Variants in ZNF28 observed in about 807,000 individuals in gnomAD.
ZNF28 encodes zinc finger protein KOX24.
A neutral mutation model predicts 7.2 loss-of-function variants in ZNF28; 5 were observed. The observed-to-expected ratio is 0.70, with a 90% confidence interval of 0.36 to 1.46. ZNF28 has a LOEUF of 1.46. Among genes scored for constraint, ZNF28 ranks in the 40% most tolerant of loss-of-function variants. ZNF28 has a pLI of 0.03. For missense variants in ZNF28, 879 were observed against 866.6 expected, an observed-to-expected ratio of 1.01 and a Z score of -0.18; for synonymous variants, 288 against 292.4, an observed-to-expected ratio of 0.99 and a Z score of 0.15.
At position 52,798,079 on chromosome 19, in the gene ZNF28, G is replaced by A. The variant is rs748866709; in HGVS notation, c.*1609C>T. 1 of 155,114 alleles carries A rather than the reference G, an allele frequency of 6.4e-6. No homozygotes were observed. Among genetic ancestry groups the A allele is most frequent in the Non-Finnish European group, 1.4e-5 (1 of 70,234 alleles). The allele number at this position is 155,114 out of a possible 1,614,324, so 9.6% of individuals were successfully genotyped here. On this transcript the variant is annotated 3_prime_UTR_variant, in exon 4 of 4. Transcript: ENST00000457749. ...GGAGGTTGTAGTGAGTCAAGATCAT[G>A]CCACTGCACTCCAACCTGGATGACA...
At chr19:52,817,854 C>T (rs1368924243) in intron 2 of ZNF28, 90 bp downstream of exon 2, 5 of 1,592,670 alleles carry the variant, frequency 3.1e-6, no homozygotes, top group African/African-American at 1.3e-5. Flanking sequence ...TCAGGCAGGA[C>T]ACTTCAGACT....
At chr19:52,818,744 G>A (rs983825387) in intron 1 of ZNF28, among the ~76,000 whole-genome samples, 4 of 151,194 alleles carry the variant, frequency 2.6e-5, no homozygotes, top group African/African-American at 4.9e-5. Flanking sequence ...TTAGCAGGGT[G>A]TGGTGGCACA....
At chr19:52,811,756 G>T (rs1245737714) in intron 2 of ZNF28, among the ~76,000 whole-genome samples, 12 of 148,904 alleles carry the variant, frequency 8.1e-5, no homozygotes, top group Non-Finnish European at 1.8e-4. Context: ...GTCCGGGAGG[G>T]AGGTCGGGGG....
In ZNF28 at chr19:52,810,335, C is replaced by T. The variant is rs76826166; in HGVS notation, c.16-2202G>A. On this transcript the variant is annotated intron_variant, in intron 2 of 3. Coordinates refer to ENST00000457749, the MANE Select transcript of ZNF28 (RefSeq NM_006969.5). ...CCATCAATGCTGGCAATGTGGACTG[C>T]GGTGCAACAGCAGAAGAGCTGGAAG... is the stretch of plus-strand genomic sequence containing the variant. 14,672 of 1,601,834 alleles carry T rather than the reference C, an allele frequency of 9.2e-3. 108 individuals are homozygous for T. Among genetic ancestry groups the T allele is most frequent in the Non-Finnish European group, 0.01 (11,920 of 1,171,234 alleles).
chr19:52,802,955 G>T (rs756543473), intron 3 of ZNF28, among the ~76,000 whole-genome samples: 6 of 151,790 alleles, frequency 4.0e-5, no homozygotes, highest in Non-Finnish European at 7.4e-5. Context: ...TAGAGACAGG[G>T]TTTCACTGTG....
intron 2 of ZNF28, among the ~76,000 whole-genome samples, chr19:52,813,249 G>GAAAAAAGAAA (rs2063076825): frequency 1.6e-5 from 1 of 62,984 alleles, no homozygotes; most frequent in Non-Finnish European, 2.8e-5. Flanking sequence ...CTTGAATGGT[G>GAAAAAAGAAA]AAAAAAAAAA....
Position 52,800,032 on chromosome 19 carries a change from T to G in ZNF28, c.1813A>C (p.Lys605Gln), listed in dbSNP as rs201374748. The change falls in exon 4 of 4, where the codon AAA (lysine) becomes CAA (glutamine). Residue 605 changes from lysine (K) to glutamine (Q), a missense_variant. This residue lies in a region of ZNF28 where 864 missense variants were observed against 830.2 expected (regional missense o/e 1.04). Coordinates refer to ENST00000457749, the MANE Select transcript of ZNF28 (RefSeq NM_006969.5). Reference protein sequence around the residue: ...AQHQRVHTGEKPYKCNECGKT... With the variant: ...AQHQRVHTGEQPYKCNECGKT... ...CCACACTCATTACACTTGTAAGGTT[T>G]CTCTCCAGTATGAACTCTCTGATGT... 6.4e-5 allele frequency: 104 copies of G among 1,613,726 alleles called. No individual in the cohort carries two copies. The highest frequency in any genetic ancestry group is 1.0e-5 in the Non-Finnish European group (12 of 1,179,682).
intron 2 of ZNF28, chr19:52,809,824 G>C (rs2147647620): frequency 1.9e-6 from 1 of 530,310 alleles, no homozygotes; most frequent in South Asian, 2.4e-5. Context: ...AGCGGCGAAG[G>C]CGGCGGCGGC....
At position 52,799,789 on chromosome 19, in the gene ZNF28, T is replaced by C; in HGVS notation, c.2056A>G (p.Thr686Ala). 6.2e-7 allele frequency: 1 copy of C among 1,614,186 alleles called. No homozygotes were observed. The highest frequency in any genetic ancestry group is 1.1e-5 in the South Asian group (1 of 91,078). The change falls in exon 4 of 4, where the codon ACT becomes GCT. Residue 686 changes from threonine to alanine, a missense_variant. By Grantham distance (58) the Thr-to-Ala change is moderately conservative (BLOSUM62 0). Coordinates refer to ENST00000457749, the MANE Select transcript of ZNF28 (RefSeq NM_006969.5). ...TTACACTTGTAAGGTTTCTCTCCAG[T>C]ATGAACTCTCTGATGCTGTGCAAGG... ...AHLAQHQRVH[T>A]GEKPYKCNEC...
chr19:52,801,790 C>T lies in ZNF28; in HGVS notation c.143-88G>A, dbSNP rs545018186. ...TGTAAATATGACACAAAAAACAATA[C>T]TTATTTTAAACTTCCCAAACATGAT... On this transcript the variant is annotated intron_variant, in intron 3 of 3. Transcript: ENST00000457749. 85 of 1,284,800 alleles carry T rather than the reference C, an allele frequency of 6.6e-5. No individual in the cohort carries two copies. The African/African-American group carries it at 9.4e-4, about 14-fold the overall frequency. 79.6% of individuals were successfully genotyped at this position (1,284,800 alleles called of 1,614,324 possible).
chr19:52,814,564 A>T (rs909889024), intron 2 of ZNF28: 2 of 145,782 alleles, frequency 1.4e-5, no homozygotes, highest in Non-Finnish European at 3.0e-5. Context: ...ACTGCATTCC[A>T]GCCTGGACAA....
intron 2 of ZNF28, among the ~76,000 whole-genome samples, chr19:52,808,341 A>T (rs149124919): frequency 7.9e-5 from 12 of 152,346 alleles, no homozygotes; most frequent in Admixed American, 1.3e-4. Context: ...GTTTGTGAAA[A>T]ATTCAAGAAA....
chr19:52,807,954 C>G (rs1161940401), intron 3 of ZNF28, 53 bp downstream of exon 3: 1 of 1,609,772 alleles, frequency 6.2e-7, no homozygotes. Flanking sequence ...CAAGAGGCAA[C>G]AAGAGAAAAT....
Position 52,800,771 on chromosome 19 carries a change from A to T in ZNF28, c.1074T>A (p.Asn358Lys), listed in dbSNP as rs2062856781. ...IHTGEKPYKC[N>K]ECGKVFNRLS... ...GTCGATTAAAAACCTTGCCACATTC[A>T]TTACACTTGTAAGGTTTCTCTCCAG... Residue 358 changes from asparagine (N) to lysine (K), a missense_variant, in exon 4 of 4, where the codon AAT becomes AAA. Physicochemically the swap from Asn to Lys is moderately conservative, Grantham distance 94. Coordinates refer to ENST00000457749, the MANE Select transcript of ZNF28 (RefSeq NM_006969.5). The T allele has an allele frequency of 3.7e-6, 6 of 1,614,028 alleles. No homozygotes were observed. Among genetic ancestry groups the T allele is most frequent in the Non-Finnish European group, 5.1e-6 (6 of 1,179,994 alleles).
At chr19:52,810,661 G>A (rs555424903) in intron 2 of ZNF28, 155 of 1,051,556 alleles carry the variant, frequency 1.5e-4, no homozygotes, top group Admixed American at 2.4e-4. Context: ...CTGGGGTCGC[G>A]TCTACAGGGG....
At chr19:52,820,471 C>G (rs941248403) in intron 1 of ZNF28, among the ~76,000 whole-genome samples, 9 of 151,920 alleles carry the variant, frequency 5.9e-5, no homozygotes, top group Admixed American at 5.2e-4. Flanking sequence ...TCCTCAATCT[C>G]CATAGATTTC....
intron 3 of ZNF28, among the ~76,000 whole-genome samples, chr19:52,803,053 A>T (rs2062893964): frequency 6.6e-6 from 1 of 151,424 alleles, no homozygotes; most frequent in South Asian, 2.1e-4. Flanking sequence ...GAGCCACCGC[A>T]CACGGCCGAC....
chr19:52,800,014 C>T lies in ZNF28; in HGVS notation c.1831G>A (p.Glu611Lys). The part of the protein sequence containing the change: ...HTGEKPYKCN[E>K]CGKTFRQTSS... ...GTCTGACGGAAGGTCTTGCCACACT[C>T]ATTACACTTGTAAGGTTTCTCTCCA... Residue 611 changes from glutamate to lysine, a missense_variant, in exon 4 of 4, where the codon GAG becomes AAG. Transcript: ENST00000457749. 6.2e-7 allele frequency: 1 copy of T among 1,614,200 alleles called. No individual in the cohort carries two copies. The highest frequency in any genetic ancestry group is 8.5e-7 in the Non-Finnish European group (1 of 1,180,018).
Position 52,798,812 on chromosome 19 carries a change from G to A in ZNF28, c.*876C>T. The A allele has an allele frequency of 1.2e-6, 1 of 843,350 alleles. No individual in the cohort carries two copies. The allele number at this position is 843,350 out of a possible 1,614,324, so 52.2% of individuals were successfully genotyped here. A position where few individuals can be genotyped will look rare whatever the true frequency, so the allele number is the denominator to read the frequency against. The stretch of plus-strand genomic sequence containing the variant: ...GATTCTCCAATGATTTGCAATGGTT[G>A]TAGCATTACTGAAAACTTTGTGACA... On this transcript the variant is annotated 3_prime_UTR_variant, in exon 4 of 4. Coordinates refer to ENST00000457749, the MANE Select transcript of ZNF28 (RefSeq NM_006969.5).
Sources: gnomAD v4.1 joint callset for allele counts (sites outside exome capture counted in the v4.1 genomes callset) on GRCh38, gnomAD v4.1.1 for gene constraint, gnomAD v4.1.1 regional missense constraint, MANE v1.5 for transcripts, NCBI Gene and HGNC (gene_info 2026-07-23, HGNC 2026-07-21) for gene names.